HDX: variants seen among roughly 807,000 people sequenced by gnomAD.
HDX encodes the protein highly divergent homeobox.
In HDX, 19 loss-of-function variants were observed where a neutral mutation model predicts 45.2. The observed-to-expected ratio is 0.42, with a 90% CI of 0.29 to 0.62. The LOEUF is 0.62. Among genes scored for constraint, HDX ranks in the 20% least tolerant of loss-of-function variants. HDX has a pLI of 0.20. For missense variants in HDX, 532 were observed against 493.9 expected (o/e 1.08, Z -0.73); for synonymous variants, 188 against 172.8 (o/e 1.09, Z -0.69).
At chrX:84,412,825 T>G (rs1247124363) in intron 5 of HDX, among the ~76,000 whole-genome samples, 1 of 112,153 alleles carries the variant, frequency 8.9e-6, no homozygotes, top group African/African-American at 3.2e-5. Context: ...ATATGTCTCT[T>G]TACATAATAC....
At chrX:84,368,020 G>T (rs970869841) in intron 5 of HDX, among the ~76,000 whole-genome samples, 1 of 111,725 alleles carries the variant, frequency 9.0e-6, no homozygotes, top group East Asian at 2.8e-4. Context: ...AATAAATATT[G>T]TTAAGCTGCC....
chrX:84,378,943 T>C (rs1436386378), intron 5 of HDX, among the ~76,000 whole-genome samples: 1 of 110,228 alleles, frequency 9.1e-6, no homozygotes, highest in Non-Finnish European at 1.9e-5. Flanking sequence ...ACATATAGAC[T>C]GAAAATAAAG....
intron 5 of HDX, among the ~76,000 whole-genome samples, chrX:84,393,317 A>C (rs2038485738): frequency 9.0e-6 from 1 of 111,332 alleles, no homozygotes; most frequent in African/African-American, 3.3e-5. Context: ...TGGTGTGTTA[A>C]CATCACGTTT....
At chrX:84,345,569 C>T (rs2037182937) in intron 6 of HDX, among the ~76,000 whole-genome samples, 2 of 111,589 alleles carry the variant, frequency 1.8e-5, no homozygotes, top group African/African-American at 6.5e-5. Context: ...AGATGTTTTG[C>T]TTATTACATA....
chrX:84,467,905 CTT>C (rs2148134861), intron 4 of HDX, among the ~76,000 whole-genome samples: 1 of 111,981 alleles, frequency 8.9e-6, no homozygotes, highest in Non-Finnish European at 1.9e-5. Flanking sequence ...CAGAATATGT[CTT>C]TTCCCTATAA....
At chrX:84,392,238 T>G (rs58979187) in intron 5 of HDX, among the ~76,000 whole-genome samples, 3 of 110,948 alleles carry the variant, frequency 2.7e-5, no homozygotes, top group African/African-American at 9.8e-5. Flanking sequence ...ATATGCATAT[T>G]GATCTCTGGG....
intron 6 of HDX, among the ~76,000 whole-genome samples, chrX:84,352,974 GA>G (rs1222504041): frequency 9.2e-6 from 1 of 108,136 alleles, no homozygotes; most frequent in African/African-American, 3.4e-5. Flanking sequence ...GAAGAGTGAA[GA>G]AAAAAAAAGC....
At chrX:84,377,368 A>T (rs2038081792) in intron 5 of HDX, among the ~76,000 whole-genome samples, 1 of 111,638 alleles carries the variant, frequency 9.0e-6, no homozygotes, top group Non-Finnish European at 1.9e-5. Context: ...CATGAACACA[A>T]TCCAGGAAAA....
intron 4 of HDX, among the ~76,000 whole-genome samples, chrX:84,446,551 T>C (rs947943957): frequency 1.8e-5 from 2 of 111,410 alleles, no homozygotes; most frequent in Non-Finnish European, 3.8e-5. Flanking sequence ...ACACAATGTC[T>C]GTTTGTTGCA....
In HDX at chrX:84,471,742, A is replaced by G. The variant is rs775386989; in HGVS notation, c.148-2167T>C. On this transcript the variant is annotated intron_variant, in intron 3 of 10. Transcript: ENST00000373177. ...TGTTCCACTTTACTTCACATGAGGC[A>G]GTGAGAATTTTAAACTCACTCTGAC... Among the ~76,000 whole-genome samples, 5 of 110,212 alleles carry G rather than the reference A, an allele frequency of 4.5e-5. No individual in the cohort carries two copies. The South Asian group carries it at 1.9e-3, about 42-fold the overall frequency.
intron 3 of HDX, 47 bp downstream of exon 3, chrX:84,475,204 C>A: frequency 9.2e-7 from 1 of 1,087,003 alleles, no homozygotes; most frequent in East Asian, 3.1e-5. Flanking sequence ...GCAAATATCA[C>A]TTGTAATAAG....
intron 6 of HDX, among the ~76,000 whole-genome samples, chrX:84,352,084 A>G (rs781480398): frequency 8.9e-6 from 1 of 112,394 alleles, no homozygotes; most frequent in South Asian, 3.6e-4. Context: ...CTTCTATACA[A>G]TAGGGCTACA....
intron 5 of HDX, among the ~76,000 whole-genome samples, chrX:84,425,373 T>A (rs1263030722): frequency 8.9e-6 from 1 of 111,780 alleles, no homozygotes; most frequent in African/African-American, 3.2e-5. Context: ...GGTAGAAATG[T>A]AAATTAGTAC....
chrX:84,323,162 CTGG>C (rs2036633385), intron 10 of HDX, among the ~76,000 whole-genome samples: 1 of 111,232 alleles, frequency 9.0e-6, no homozygotes, highest in East Asian at 2.8e-4. Context: ...TAACCCCTAT[CTGG>C]CAGACTAGCT....
chrX:84,380,420 A>C (rs57172368), intron 5 of HDX, among the ~76,000 whole-genome samples: 7,560 of 110,840 alleles, frequency 0.068, 365 homozygotes, highest in East Asian at 0.34. Flanking sequence ...ACCTCAAAAA[A>C]AAAAAGAAAA....
chrX:84,387,711 T>G (rs961140874), intron 5 of HDX, among the ~76,000 whole-genome samples: 2 of 111,903 alleles, frequency 1.8e-5, no homozygotes, highest in African/African-American at 6.5e-5. Context: ...GGGTGTGCTG[T>G]TACATGTGAG....
intron 7 of HDX, among the ~76,000 whole-genome samples, chrX:84,342,486 T>C (rs189630265): frequency 1.1e-3 from 120 of 108,063 alleles, no homozygotes; most frequent in African/African-American, 3.9e-3. Flanking sequence ...CATGTGTATA[T>C]GTGTACGTCT....
intron 6 of HDX, among the ~76,000 whole-genome samples, chrX:84,348,363 C>A (rs945117736): frequency 3.6e-5 from 4 of 111,338 alleles, no homozygotes; most frequent in African/African-American, 1.3e-4. Context: ...CCATTCTGTT[C>A]TTGTATGTTG....
intron 5 of HDX, among the ~76,000 whole-genome samples, chrX:84,438,051 A>G (rs745789652): frequency 9.0e-6 from 1 of 111,150 alleles, no homozygotes; most frequent in Non-Finnish European, 1.9e-5. Flanking sequence ...AACTGGTGGC[A>G]GATGGGGGAT....
Sources: allele counts gnomAD v4.1 joint callset (sites outside exome capture counted in the v4.1 genomes callset), GRCh38; gene constraint gnomAD v4.1.1; transcripts MANE v1.5; gene names NCBI Gene and HGNC (gene_info 2026-07-23, HGNC 2026-07-21).